The following ISL2 variants were observed in gnomAD, a reference collection of about 807,000 sequenced individuals.
ISL2 encodes the protein ISL LIM homeobox 2.
Under a neutral mutation model 34.6 loss-of-function variants are expected in ISL2, and 17 were observed. The observed-to-expected ratio is 0.49, with a 90% CI of 0.34 to 0.74. The LOEUF is 0.74. ISL2 is among the 30% of genes least tolerant of loss of function. The pLI, the probability that ISL2 is intolerant of heterozygous loss-of-function variation, is 0.01. For missense variants in ISL2, 469 were observed against 515.2 expected, an observed-to-expected ratio of 0.91 and a Z score of 0.87; for synonymous variants, 232 against 225.5, an observed-to-expected ratio of 1.03 and a Z score of -0.26.
chr15:76,337,756 GC>G, intron 1 of ISL2, 21 bp from the exon 2 acceptor site: 2 of 1,551,134 alleles, frequency 1.3e-6, no homozygotes, highest in Non-Finnish European at 1.7e-6. Flanking sequence ...GCCTGACGCG[GC>G]CCCGCGCCCT....
Position 76,341,908 on chromosome 15 carries a change from C to A in ISL2, c.*73C>A. 1 of 943,298 alleles carries A rather than the reference C, an allele frequency of 1.1e-6. No individual in the cohort carries two copies. The allele number at this position is 943,298 out of a possible 1,614,324, so 58.4% of individuals were successfully genotyped here. On this transcript the variant is annotated 3_prime_UTR_variant, in exon 6 of 6. Transcript: ENST00000290759. ...GAGACTCACCCATGCTCAGGCCATT[C>A]CAGTTCCGAAAGCTCTCTCGCCTTC...
In ISL2 at chr15:76,336,870, ATC is replaced by A. The variant is rs751269303; in HGVS notation, c.-10_-9del. The stretch of plus-strand genomic sequence containing the variant: ...GCCCCTGGCCGCACACTTTGCGCAC[ATC>A]TCTTTTTCTGCATGGTGGATATTAT... On this transcript the variant is annotated 5_prime_UTR_variant, in exon 1 of 6. Transcript: ENST00000290759. 1.9e-5 allele frequency: 31 copies of A among 1,612,266 alleles called. No homozygotes were observed. Among genetic ancestry groups the A allele is most frequent in the Non-Finnish European group, 2.5e-5 (30 of 1,178,484 alleles).
Position 76,340,301 on chromosome 15 carries a change from G to C in ISL2, c.537G>C (p.Ala179=), listed in dbSNP as rs756134461. The C allele has an allele frequency of 1.2e-6, 2 of 1,608,436 alleles. No individual in the cohort carries two copies. Among genetic ancestry groups the C allele is most frequent in the Non-Finnish European group, 1.7e-6 (2 of 1,178,618 alleles). The change falls in exon 4 of 6, where the codon GCG becomes GCC. Residue 179 remains alanine (A), a synonymous_variant. Transcript: ENST00000290759. The part of the protein sequence containing the change: ...LPDAGSGRQP[A]LRPHVHKQTE... ...ACGCTGGGTCGGGCCGGCAGCCCGC[G>C]TTGCGCCCGCACGTGCACAAGCAGA...
Position 76,336,829 on chromosome 15 carries a change from C to G in ISL2, c.-55C>G. On this transcript the variant is annotated 5_prime_UTR_variant, in exon 1 of 6. Transcript: ENST00000290759. ...TAGCAAAGAGCCGAGGCCGGGCGCG[C>G]GACCCTCGTCCTTCTGCCCCTGGCC... The G allele has an allele frequency of 1.3e-6, 2 of 1,527,728 alleles. No individual in the cohort carries two copies. Among genetic ancestry groups the G allele is most frequent in the Non-Finnish European group, 1.8e-6 (2 of 1,101,906 alleles). 94.6% of individuals were successfully genotyped at this position (1,527,728 alleles called of 1,614,324 possible). A position where few individuals can be genotyped will look rare whatever the true frequency, so the allele number is the denominator to read the frequency against.
chr15:76,339,448 G>C (rs951599968), intron 3 of ISL2: 1 of 985,464 alleles, frequency 1.0e-6, no homozygotes, highest in Non-Finnish European at 1.2e-6. Flanking sequence ...TGTGAAATGG[G>C]AGCAAGCGGG....
At chr15:76,338,678 C>T in intron 3 of ISL2, 164 bp downstream of exon 3, 2 of 985,310 alleles carry the variant, frequency 2.0e-6, no homozygotes, top group Non-Finnish European at 1.2e-6. Context: ...GGGAACAAGG[C>T]TGTGTGTATT....
chr15:76,338,581 C>G, intron 3 of ISL2, 67 bp downstream of exon 3: 4 of 1,264,710 alleles, frequency 3.2e-6, no homozygotes, highest in Non-Finnish European at 4.0e-6. Flanking sequence ...TAGGGGTACG[C>G]TTGTGTCCCT....
At position 76,339,298 on chromosome 15, in the gene ISL2, C is replaced by A. The variant is rs913148965; in HGVS notation, c.511+784C>A. 3 of 983,494 alleles carry A rather than the reference C, an allele frequency of 3.1e-6. No homozygotes were observed. In the African/African-American group the frequency reaches 5.2e-5, roughly 17 times the overall value. 60.9% of individuals were successfully genotyped at this position (983,494 alleles called of 1,614,324 possible). On this transcript the variant is annotated intron_variant, in intron 3 of 5. Transcript: ENST00000290759. ...TCCTCCCCTCTCTGGATCTTCACTT[C>A]CTCCCTATAGAAAGAGGAAACTGGG...
intron 4 of ISL2, 92 bp from the exon 5 acceptor site, chr15:76,341,042 T>G (rs2040189062): frequency 6.4e-6 from 8 of 1,256,572 alleles, no homozygotes; most frequent in East Asian, 2.4e-5. Context: ...ATGCAGACCC[T>G]AAATCACTCA....
At position 76,341,149 on chromosome 15, in the gene ISL2, A is replaced by G. The variant is rs762805458; in HGVS notation, c.811A>G (p.Thr271Ala). The G allele has an allele frequency of 1.2e-6, 2 of 1,608,730 alleles. No homozygotes were observed. The highest frequency in any genetic ancestry group is 1.7e-5 in the Admixed American group (1 of 59,798). ...TGCCCCGCAGAGCCTTCAGGGACTGACTGGGACGCCCCTGGTGGCGGGCAG... is the reference window on the plus strand; with the variant it reads ...TGCCCCGCAGAGCCTTCAGGGACTGGCTGGGACGCCCCTGGTGGCGGGCAG... ...HSDKTSLQGL[T>A]GTPLVAGSPI... Residue 271 changes from threonine to alanine, a missense_variant, in exon 5 of 6, where the codon ACT (threonine) becomes GCT (alanine). By Grantham distance (58) the Thr-to-Ala change is moderately conservative. Coordinates refer to ENST00000290759, the MANE Select transcript of ISL2 (RefSeq NM_145805.3).
Position 76,336,779 on chromosome 15 carries a change from A to G in ISL2, c.-105A>G. 9.9e-7 allele frequency: 1 copy of G among 1,009,390 alleles called. No individual in the cohort carries two copies. Among genetic ancestry groups the G allele is most frequent in the Non-Finnish European group, 1.6e-6 (1 of 634,844 alleles). The allele number at this position is 1,009,390 out of a possible 1,614,324, so 62.5% of individuals were successfully genotyped here. A position where few individuals can be genotyped will look rare whatever the true frequency, so the allele number is the denominator to read the frequency against. ...GGGCCGGTGCGGAATCGCTCCTTCAACTCCGCGGGGCAGTAGGAGTTAGTT... is the reference window on the plus strand; with the variant it reads ...GGGCCGGTGCGGAATCGCTCCTTCAGCTCCGCGGGGCAGTAGGAGTTAGTT... On this transcript the variant is annotated 5_prime_UTR_variant, in exon 1 of 6. Coordinates refer to ENST00000290759, the MANE Select transcript of ISL2 (RefSeq NM_145805.3).
chr15:76,341,675 C>A (rs1321639372), intron 5 of ISL2, 44 bp from the exon 6 acceptor site: 2 of 1,394,390 alleles, frequency 1.4e-6, no homozygotes, highest in Non-Finnish European at 2.0e-6. Flanking sequence ...CACCAGCTCG[C>A]GTGCCTCTTC....
chr15:76,337,017 G>A, intron 1 of ISL2, 76 bp downstream of exon 1: 1 of 1,317,510 alleles, frequency 7.6e-7, no homozygotes, highest in Non-Finnish European at 1.1e-6. Context: ...GCAGAAAAAT[G>A]TTTAGTGGAT....
At chr15:76,340,018 C>T (rs2040181529) in intron 3 of ISL2, 2 of 1,300,752 alleles carry the variant, frequency 1.5e-6, no homozygotes, top group East Asian at 3.1e-5. Context: ...GGCCTGTCGC[C>T]GAGCTCCCGC....
Position 76,341,237 on chromosome 15 carries a change from C to T in ISL2, c.899C>T (p.Pro300Leu), listed in dbSNP as rs546988102. Reference protein sequence around the residue: ...SAVEVQTYQPPWKALSEFALQ... With the variant: ...SAVEVQTYQPLWKALSEFALQ... Reference sequence around the variant, plus strand: ...GTGGAGGTGCAGACGTACCAGCCGCCGTGGAAGGCGCTCAGCGAGTTTGCC... The same window carrying T: ...GTGGAGGTGCAGACGTACCAGCCGCTGTGGAAGGCGCTCAGCGAGTTTGCC... The change falls in exon 5 of 6, where the codon CCG becomes CTG. Residue 300 changes from proline to leucine, a missense_variant. Around this residue, in one of 3 missense-constraint regions of ISL2, gnomAD observed 169 missense variants for 154.2 expected, o/e 1.10. Coordinates refer to ENST00000290759, the MANE Select transcript of ISL2 (RefSeq NM_145805.3). 5 of 1,611,506 alleles carry T rather than the reference C, an allele frequency of 3.1e-6. No homozygotes were observed. Among genetic ancestry groups the T allele is most frequent in the Admixed American group, 3.3e-5 (2 of 59,828 alleles).
chr15:76,336,826 G>T lies in ISL2; in HGVS notation c.-58G>T. ...AGTTAGCAAAGAGCCGAGGCCGGGC[G>T]CGCGACCCTCGTCCTTCTGCCCCTG... On this transcript the variant is annotated 5_prime_UTR_variant, in exon 1 of 6. Coordinates refer to ENST00000290759, the MANE Select transcript of ISL2 (RefSeq NM_145805.3). The T allele has an allele frequency of 6.7e-7, 1 of 1,492,572 alleles. No individual in the cohort carries two copies. Among genetic ancestry groups the T allele is most frequent in the Non-Finnish European group, 9.3e-7 (1 of 1,069,960 alleles). The allele number at this position is 1,492,572 out of a possible 1,614,324, so 92.5% of individuals were successfully genotyped here.
chr15:76,341,564 C>T (rs957710312), intron 5 of ISL2, among the ~76,000 whole-genome samples, 155 bp from the exon 6 acceptor site: 6 of 152,184 alleles, frequency 3.9e-5, no homozygotes, highest in African/African-American at 1.4e-4. Context: ...ATCCCCCCCT[C>T]GTGCGCCTGG....
intron 3 of ISL2, 26 bp downstream of exon 3, chr15:76,338,540 G>T: frequency 7.7e-7 from 1 of 1,294,576 alleles, no homozygotes; most frequent in Non-Finnish European, 9.8e-7. Context: ...CCTGTGCCGG[G>T]GTGAGCGGGG....
Position 76,341,164 on chromosome 15 carries a change from G to A in ISL2, c.826G>A (p.Val276Met). 1.4e-5 allele frequency: 22 copies of A among 1,611,386 alleles called. No individual in the cohort carries two copies. Among genetic ancestry groups the A allele is most frequent in the Non-Finnish European group, 1.8e-5 (21 of 1,179,252 alleles). The part of the protein sequence containing the change: ...SLQGLTGTPL[V>M]AGSPIRHENA... The stretch of plus-strand genomic sequence containing the variant: ...TCAGGGACTGACTGGGACGCCCCTG[G>A]TGGCGGGCAGTCCCATCCGCCATGA... Residue 276 changes from valine (V) to methionine (M), a missense_variant, in exon 5 of 6, where the codon GTG becomes ATG. This residue lies in a region of ISL2 where 169 missense variants were observed against 154.2 expected (regional missense o/e 1.10). Transcript: ENST00000290759.
Sources: allele counts gnomAD v4.1 joint callset (sites outside exome capture counted in the v4.1 genomes callset), GRCh38; gene constraint gnomAD v4.1.1; regional missense constraint gnomAD v4.1.1; transcripts MANE v1.5; gene names NCBI Gene and HGNC (gene_info 2026-07-23, HGNC 2026-07-21).